CC2D2B: variants seen among roughly 807,000 people sequenced by gnomAD.
The protein encoded by CC2D2B is coiled-coil and C2 domain containing 2B.
In CC2D2B, 128 loss-of-function variants were observed where a neutral mutation model predicts 161.2. The observed-to-expected ratio is 0.79, with a 90% CI of 0.69 to 0.92. The LOEUF (loss-of-function observed/expected upper bound fraction) is 0.92, where lower values mean the gene tolerates loss of function less well. Ranked by LOEUF, CC2D2B falls within the 40% of genes least tolerant of loss-of-function variation. The pLI, the probability that CC2D2B is intolerant of heterozygous loss-of-function variation, is 0.00. For synonymous variants in CC2D2B, 391 were observed against 449.8 expected, an observed-to-expected ratio of 0.87 and a Z score of 1.65; for missense variants, 1,173 against 1,375.1, an observed-to-expected ratio of 0.85 and a Z score of 2.32.
intron 10 of CC2D2B, 75 bp from the exon 11 acceptor site, chr10:95,955,319 T>G: frequency 2.5e-6 from 1 of 396,680 alleles, no homozygotes; most frequent in East Asian, 3.6e-5. Flanking sequence ...GCACACACCT[T>G]GACCTACAGG....
rs2078601686 is a variant in CC2D2B, at chr10:96,003,441, G to A, written c.2850-711G>A. 7.0e-5 allele frequency among the ~76,000 whole-genome samples: 10 copies of A among 143,460 alleles called. No homozygotes were observed. The South Asian group carries it at 2.2e-3, about 32-fold the overall frequency. 94.1% of individuals were successfully genotyped at this position (143,460 alleles called of 152,430 possible). A position where few individuals can be genotyped will look rare whatever the true frequency, so the allele number is the denominator to read the frequency against. On this transcript the variant is annotated intron_variant, in intron 24 of 34. Coordinates refer to ENST00000646931, the MANE Select transcript of CC2D2B (RefSeq NM_001349008.3). Reference sequence around the variant, plus strand: ...TTTATTTATGTATTTATTTAGAGATGGAGTTCTGCTCTTGTTACCCAGGCT... The same window carrying A: ...TTTATTTATGTATTTATTTAGAGATAGAGTTCTGCTCTTGTTACCCAGGCT...
Position 96,012,290 on chromosome 10 carries a change from G to A in CC2D2B, c.3151G>A (p.Glu1051Lys), listed in dbSNP as rs2079027501. The change falls in exon 27 of 35, where the codon GAA becomes AAA. Residue 1051 changes from glutamate (E) to lysine (K), a missense_variant. Physicochemically the swap from Glu to Lys is moderately conservative, Grantham distance 56 (BLOSUM62 1). Coordinates refer to ENST00000646931, the MANE Select transcript of CC2D2B (RefSeq NM_001349008.3). ...AGATTCCAATGAGCAGAATTTAAAA[G>A]AATGTACATTCTTAAATATTTTTGC... is the stretch of plus-strand genomic sequence containing the variant. ...KEDSNEQNLKECTFLNIFATI... is the reference protein window; with the variant it reads ...KEDSNEQNLKKCTFLNIFATI... The A allele has an allele frequency of 1.4e-6, 1 of 713,802 alleles. No homozygotes were observed. The highest frequency in any genetic ancestry group is 1.7e-5 in the African/African-American group (1 of 57,190). The allele number at this position is 713,802 out of a possible 1,614,324, so 44.2% of individuals were successfully genotyped here.
chr10:95,972,292 C>A (rs1166223890), intron 16 of CC2D2B, 76 bp downstream of exon 16: 2 of 880,446 alleles, frequency 2.3e-6, no homozygotes, highest in African/African-American at 3.5e-5. Flanking sequence ...CTGGCTCACT[C>A]ACATAAGTAC....
chr10:95,917,968 G>T (rs566397747), intron 2 of CC2D2B, among the ~76,000 whole-genome samples: 55 of 152,072 alleles, frequency 3.6e-4, no homozygotes, highest in African/African-American at 1.3e-3. Context: ...GTAGAGACGG[G>T]GTTTCACCAT....
chr10:95,947,468 G>T (rs1277185341), intron 9 of CC2D2B, among the ~76,000 whole-genome samples: 1 of 151,718 alleles, frequency 6.6e-6, no homozygotes, highest in African/African-American at 2.4e-5. Context: ...AGGTGGTCAG[G>T]TGCAGTGGCT....
intron 9 of CC2D2B, among the ~76,000 whole-genome samples, chr10:95,946,327 T>C (rs112640386): frequency 8.5e-5 from 13 of 152,270 alleles, no homozygotes; most frequent in African/African-American, 2.9e-4. Flanking sequence ...CTTAGCACTG[T>C]AGTCAGTAGG....
chr10:96,027,344 A>C lies in CC2D2B; in HGVS notation c.4080A>C (p.Ser1360=), dbSNP rs1414083752. ...AATTTGGCATAGGAAGCTTTGTTTC[A>C]TCTGAAGGAGATAATGAATTTGAAA... ...KLEFGIGSFV[S]SEGDNEFERI... Residue 1360 remains serine, a synonymous_variant, in exon 34 of 35, where the codon TCA becomes TCC. Coordinates refer to ENST00000646931, the MANE Select transcript of CC2D2B (RefSeq NM_001349008.3). 6.5e-7 allele frequency: 1 copy of C among 1,550,270 alleles called. No individual in the cohort carries two copies. The highest frequency in any genetic ancestry group is 1.4e-5 in the African/African-American group (1 of 72,988).
At chr10:95,958,758 G>A (rs1229808335) in intron 11 of CC2D2B, among the ~76,000 whole-genome samples, 1 of 151,834 alleles carries the variant, frequency 6.6e-6, no homozygotes, top group African/African-American at 2.4e-5. Context: ...AGAGACCTGT[G>A]GAACACCATT....
intron 14 of CC2D2B, among the ~76,000 whole-genome samples, chr10:95,967,564 A>C (rs1330699296): frequency 6.6e-6 from 1 of 152,188 alleles, no homozygotes; most frequent in Non-Finnish European, 1.5e-5. Flanking sequence ...TTAGAGAAAA[A>C]TTAAAAAGAG....
In CC2D2B at chr10:95,974,065, G is replaced by T; in HGVS notation, c.1852G>T (p.Gly618Ter). ...TGAAGAACTCTGTCTTTTGACATCA[G>T]GAAAACTTAGCTATTCTCTATCATG... Reference protein sequence around the residue: ...GTEELCLLTSGKLSYSLSWSL... With the variant: ...GTEELCLLTS The change falls in exon 17 of 35, where the codon GGA (glycine) becomes TGA (stop). Residue 618 changes from glycine (G) to a stop codon, truncating the protein, a stop_gained. Coordinates refer to ENST00000646931, the MANE Select transcript of CC2D2B (RefSeq NM_001349008.3). LOFTEE classifies it high-confidence loss of function. 8.1e-7 allele frequency: 1 copy of T among 1,231,252 alleles called. No homozygotes were observed. Among genetic ancestry groups the T allele is most frequent in the Non-Finnish European group, 1.0e-6 (1 of 987,208 alleles). 76.3% of individuals were successfully genotyped at this position (1,231,252 alleles called of 1,614,324 possible). A position where few individuals can be genotyped will look rare whatever the true frequency, so the allele number is the denominator to read the frequency against.
chr10:95,993,082 C>T (rs557264518), intron 22 of CC2D2B: 1 of 159,562 alleles, frequency 6.3e-6, no homozygotes, highest in South Asian at 2.0e-4. Flanking sequence ...GAGAAAATGC[C>T]CCAGGAAAGC....
chr10:95,946,193 T>TAG (rs2076192618), intron 9 of CC2D2B, among the ~76,000 whole-genome samples: 1 of 152,234 alleles, frequency 6.6e-6, no homozygotes, highest in Non-Finnish European at 1.5e-5. Context: ...TTCATCTATG[T>TAG]GACACCTCCT....
intron 24 of CC2D2B, among the ~76,000 whole-genome samples, chr10:96,003,530 T>G (rs2078608101): frequency 1.3e-5 from 2 of 151,948 alleles, no homozygotes; most frequent in Non-Finnish European, 2.9e-5. Flanking sequence ...GCGATTCTCC[T>G]GCCTCAGCCT....
intron 2 of CC2D2B, among the ~76,000 whole-genome samples, chr10:95,915,562 C>A (rs4325250): frequency 6.6e-6 from 1 of 151,836 alleles, no homozygotes; most frequent in South Asian, 2.1e-4. Context: ...GCTTTTAGTG[C>A]GTTGGGGTAT....
Position 95,924,773 on chromosome 10 carries a change from T to C in CC2D2B, c.175-6T>C. ...TCTGTAAAGATTTATTTATGTTGTG[T>C]TTCAGATTAATAAAGGTGAAAAATC... On this transcript the variant is annotated splice_region_variant and splice_polypyrimidine_tract_variant and intron_variant, in intron 4 of 34. Transcript: ENST00000646931. 1 of 1,518,304 alleles carries C rather than the reference T, an allele frequency of 6.6e-7. No homozygotes were observed. The highest frequency in any genetic ancestry group is 1.7e-4 in the Middle Eastern group (1 of 5,904). The allele number at this position is 1,518,304 out of a possible 1,614,324, so 94.1% of individuals were successfully genotyped here.
intron 34 of CC2D2B, among the ~76,000 whole-genome samples, chr10:96,027,914 T>A (rs2079853262): frequency 1.3e-5 from 2 of 152,142 alleles, no homozygotes; most frequent in South Asian, 2.1e-4. Flanking sequence ...TAAATGATGC[T>A]GGGAAAACTG....
At chr10:96,030,199 G>A (rs148568385) in intron 34 of CC2D2B, among the ~76,000 whole-genome samples, 8 of 152,142 alleles carry the variant, frequency 5.3e-5, no homozygotes, top group South Asian at 2.1e-4. Context: ...AGGACCAACC[G>A]TACTTCCAAA....
intron 12 of CC2D2B, among the ~76,000 whole-genome samples, 170 bp downstream of exon 12, chr10:95,962,139 T>C (rs1226654717): frequency 2.6e-5 from 4 of 151,950 alleles, no homozygotes; most frequent in Admixed American, 2.0e-4. Context: ...TATATGCATA[T>C]ATATGTTGAA....
intron 29 of CC2D2B, among the ~76,000 whole-genome samples, chr10:96,015,083 T>C (rs1159289149): frequency 6.6e-6 from 1 of 152,050 alleles, no homozygotes. Flanking sequence ...CATTTTTTTT[T>C]TAAATGGAGT....
Sources: allele counts gnomAD v4.1 joint callset (sites outside exome capture counted in the v4.1 genomes callset), GRCh38; gene constraint gnomAD v4.1.1; transcripts MANE v1.5; gene names NCBI Gene and HGNC (gene_info 2026-07-23, HGNC 2026-07-21).